The following CNBD2 variants were observed in gnomAD, a reference collection of about 807,000 sequenced individuals.
CNBD2 encodes the protein cyclic nucleotide binding domain containing 2.
CNBD2 carries 64 observed loss-of-function variants against 63.7 expected under a neutral mutation model. The ratio of observed to expected loss-of-function variants is 1.00; its 90% confidence interval spans 0.82 to 1.24. The LOEUF is 1.24. Ranked by LOEUF, CNBD2 falls within the 50% of genes most tolerant of loss-of-function variation. The pLI, the probability that CNBD2 is intolerant of heterozygous loss-of-function variation, is 0.00. For missense variants in CNBD2, 691 were observed against 713.5 expected (o/e 0.97, Z 0.36); for synonymous variants, 229 against 255.4 (o/e 0.90, Z 0.99).
intron 11 of CNBD2, among the ~76,000 whole-genome samples, chr20:36,026,225 C>T (rs879625953): frequency 2.8e-4 from 42 of 151,996 alleles, no homozygotes; most frequent in Non-Finnish European, 1.8e-4. Context: ...TTGGTAGAGA[C>T]GGGGTTTTGC....
intron 1 of CNBD2, among the ~76,000 whole-genome samples, chr20:35,971,796 T>G (rs2056422383): frequency 6.6e-6 from 1 of 152,226 alleles, no homozygotes; most frequent in Non-Finnish European, 1.5e-5. Context: ...TGAATCTTTA[T>G]TAATCTAGAG....
At chr20:36,002,483 G>A (rs1196803958) in intron 8 of CNBD2, among the ~76,000 whole-genome samples, 2 of 152,116 alleles carry the variant, frequency 1.3e-5, no homozygotes, top group African/African-American at 4.8e-5. Context: ...TAGAGATGGG[G>A]TTTCGCCATG....
At chr20:35,996,830 G>A (rs2590992) in intron 8 of CNBD2, among the ~76,000 whole-genome samples, 5,400 of 152,160 alleles carry the variant, frequency 0.035, 336 homozygotes, top group African/African-American at 0.12. Context: ...AAGAAGGTAC[G>A]ATTGTACCAT....
At position 35,975,954 on chromosome 20, in the gene CNBD2, G is replaced by A. The variant is rs754558131; in HGVS notation, c.195G>A (p.Lys65=). 2 of 1,612,962 alleles carry A rather than the reference G, an allele frequency of 1.2e-6. No individual in the cohort carries two copies. Among genetic ancestry groups the A allele is most frequent in the African/African-American group, 2.7e-5 (2 of 75,028 alleles). ...KHPIFSFWDK[K]MQSRVTFDTM... is the part of the protein sequence containing the mutation. ...CCCTGCCCTCTTTCTTTCAGAAAAAGATGCAAAGCCGAGTCACATTTGATA... is the reference window on the plus strand; with the variant it reads ...CCCTGCCCTCTTTCTTTCAGAAAAAAATGCAAAGCCGAGTCACATTTGATA... The change falls in exon 3 of 12, where the codon AAG becomes AAA. Residue 65 remains lysine, a synonymous_variant. Transcript: ENST00000373973.
At chr20:36,015,038 T>A (rs2057116294) in intron 10 of CNBD2, among the ~76,000 whole-genome samples, 1 of 152,226 alleles carries the variant, frequency 6.6e-6, no homozygotes, top group Non-Finnish European at 1.5e-5. Flanking sequence ...ATATTTTGTC[T>A]TTTTGATAGT....
At chr20:35,978,490 G>T (rs956504480) in intron 3 of CNBD2, among the ~76,000 whole-genome samples, 1 of 152,108 alleles carries the variant, frequency 6.6e-6, no homozygotes, top group South Asian at 2.1e-4. Context: ...AACTAAAGGC[G>T]CCTGCCACCA....
intron 4 of CNBD2, among the ~76,000 whole-genome samples, chr20:35,982,777 A>G (rs936941193): frequency 6.6e-6 from 1 of 151,312 alleles, no homozygotes; most frequent in Non-Finnish European, 1.5e-5. Context: ...CAGTGGTATG[A>G]TCATGGCTCA....
At position 36,008,445 on chromosome 20, in the gene CNBD2, T is replaced by C. The variant is rs1200501051; in HGVS notation, c.1119T>C (p.Thr373=). The part of the protein sequence containing the change: ...FSRKIRTSGD[T]LPKMLGPKIQ... Reference sequence around the variant, plus strand: ...GGAAGATCAGAACCTCAGGAGACACTCTCCCCAAGATGCTGGGCCCGAAGA... The same window carrying C: ...GGAAGATCAGAACCTCAGGAGACACCCTCCCCAAGATGCTGGGCCCGAAGA... The change falls in exon 9 of 12, where the codon ACT becomes ACC. Residue 373 remains threonine (T), a synonymous_variant. Transcript: ENST00000373973. The C allele has an allele frequency of 3.1e-6, 5 of 1,613,216 alleles. No homozygotes were observed. Among genetic ancestry groups the C allele is most frequent in the Admixed American group, 3.3e-5 (2 of 59,732 alleles).
At chr20:36,020,625 A>G (rs2057194937) in intron 10 of CNBD2, among the ~76,000 whole-genome samples, 1 of 152,110 alleles carries the variant, frequency 6.6e-6, no homozygotes, top group African/African-American at 2.4e-5. Context: ...CCTGAACCTC[A>G]TTTTCCACAT....
intron 8 of CNBD2, among the ~76,000 whole-genome samples, chr20:35,999,135 C>T (rs762731348): frequency 9.2e-5 from 14 of 152,076 alleles, no homozygotes; most frequent in Non-Finnish European, 1.6e-4. Context: ...AGTGTAGCTT[C>T]CTCTTGATTA....
chr20:35,992,280 T>G (rs2056756831), intron 7 of CNBD2, among the ~76,000 whole-genome samples: 1 of 152,188 alleles, frequency 6.6e-6, no homozygotes, highest in African/African-American at 2.4e-5. Context: ...TTAACAAGGC[T>G]TCCAGGCGAT....
chr20:35,996,194 A>G (rs993612803), intron 8 of CNBD2, among the ~76,000 whole-genome samples: 1 of 152,230 alleles, frequency 6.6e-6, no homozygotes, highest in African/African-American at 2.4e-5. Context: ...TGAAATGCTT[A>G]TTAAACATCT....
rs938284210 is a variant in CNBD2, at chr20:35,989,866, G to A, written c.855+2333G>A. Among the ~76,000 whole-genome samples the A allele has an allele frequency of 2.5e-5, 3 of 121,648 alleles. No homozygotes were observed. In the Admixed American group the frequency reaches 2.6e-4, roughly 10 times the overall value. 79.8% of individuals were successfully genotyped at this position (121,648 alleles called of 152,430 possible). A position where few individuals can be genotyped will look rare whatever the true frequency, so the allele number is the denominator to read the frequency against. On this transcript the variant is annotated intron_variant, in intron 7 of 11. Coordinates refer to ENST00000373973, the MANE Select transcript of CNBD2 (RefSeq NM_001365709.1). ...TAAGAAAGAAAGACAGATGAGAGAGGGAGAGAGAGAGAGAGAGAGAGAGAA... is the reference window on the plus strand; with the variant it reads ...TAAGAAAGAAAGACAGATGAGAGAGAGAGAGAGAGAGAGAGAGAGAGAGAA...
intron 9 of CNBD2, among the ~76,000 whole-genome samples, chr20:36,010,740 C>T (rs2794372): frequency 0.036 from 5,400 of 150,590 alleles, 338 homozygotes; most frequent in African/African-American, 0.13. Flanking sequence ...TCGAGCCTGG[C>T]GACAGAGTGA....
At chr20:36,000,998 C>T (rs2056891052) in intron 8 of CNBD2, among the ~76,000 whole-genome samples, 1 of 150,590 alleles carries the variant, frequency 6.6e-6, no homozygotes, top group African/African-American at 2.4e-5. Flanking sequence ...GCACATCTTG[C>T]ACCGCCCTTA....
At position 36,001,616 on chromosome 20, in the gene CNBD2, C is replaced by T. The variant is rs568045725; in HGVS notation, c.970+6464C>T. Among the ~76,000 whole-genome samples the T allele has an allele frequency of 7.7e-3, 1,144 of 148,166 alleles. 4 individuals carry two copies. The highest frequency in any genetic ancestry group is 0.013 in the African/African-American group (495 of 39,470). The stretch of plus-strand genomic sequence containing the variant: ...CTTCTCAGACGGGGCGGCTGCCAGG[C>T]GGAGGGGCTCCTCACTTCTCAGATG... On this transcript the variant is annotated intron_variant, in intron 8 of 11. Transcript: ENST00000373973.
In CNBD2 at chr20:36,015,304, A is replaced by G. The variant is rs138149141; in HGVS notation, c.1269+4047A>G. 3.6e-4 allele frequency among the ~76,000 whole-genome samples: 54 copies of G among 152,106 alleles called. No homozygotes were observed. The East Asian group carries it at 3.7e-3, about 10-fold the overall frequency. ...GTACGGCTTGCAAATATTTTCTACC[A>G]TTCTTTAGGTTGTCTTTTTACTTTG... On this transcript the variant is annotated intron_variant, in intron 10 of 11. Coordinates refer to ENST00000373973, the MANE Select transcript of CNBD2 (RefSeq NM_001365709.1).
In CNBD2 at chr20:36,001,397, C is replaced by T. The variant is rs1304747678; in HGVS notation, c.970+6245C>T. Among the ~76,000 whole-genome samples, 342 of 138,818 alleles carry T rather than the reference C, an allele frequency of 2.5e-3. 9 individuals carry two copies. The highest frequency in any genetic ancestry group is 9.1e-3 in the African/African-American group (316 of 34,792). The allele number at this position is 138,818 out of a possible 152,430, so 91.1% of individuals were successfully genotyped here. A position where few individuals can be genotyped will look rare whatever the true frequency, so the allele number is the denominator to read the frequency against. On this transcript the variant is annotated intron_variant, in intron 8 of 11. Transcript: ENST00000373973. ...CCCCCCACCTCCCTCCCGGACAGGG[C>T]GGCTGGCCGGGCAGAGGGGCTCCTC...
intron 10 of CNBD2, among the ~76,000 whole-genome samples, chr20:36,019,797 G>C (rs2057184213): frequency 6.6e-6 from 1 of 152,170 alleles, no homozygotes. Flanking sequence ...GCTGTTTGAA[G>C]CATCTAGCCA....
Sources: allele counts gnomAD v4.1 joint callset (sites outside exome capture counted in the v4.1 genomes callset), GRCh38; gene constraint gnomAD v4.1.1; transcripts MANE v1.5; gene names NCBI Gene and HGNC (gene_info 2026-07-23, HGNC 2026-07-21).